DBT: variants seen among roughly 807,000 people sequenced by gnomAD.
DBT encodes the protein lipoamide acyltransferase component of branched-chain alpha-keto acid dehydrogenase complex, mitochondrial.
In DBT, 40 loss-of-function variants were observed where a neutral mutation model predicts 51.3. The ratio of observed to expected loss-of-function variants is 0.78; its 90% CI spans 0.61 to 1.02. DBT has a LOEUF of 1.02. Ranked by LOEUF, DBT falls within the 50% of genes least tolerant of loss-of-function variation. The pLI is 0.00. For missense variants in DBT, 510 were observed against 580.2 expected (o/e 0.88, Z 1.24); for synonymous variants, 181 against 190.4 (o/e 0.95, Z 0.41).
chr1:100,199,936 A>G (rs1267598132), intron 10 of DBT, among the ~76,000 whole-genome samples: 1 of 151,794 alleles, frequency 6.6e-6, no homozygotes, highest in African/African-American at 2.4e-5. Context: ...CCTACTCCAC[A>G]AGGGCCCTGA....
intron 4 of DBT, among the ~76,000 whole-genome samples, chr1:100,224,246 G>A (rs1022631270): frequency 1.3e-5 from 2 of 152,048 alleles, no homozygotes; most frequent in African/African-American, 4.8e-5. Context: ...CTTTGTGTTC[G>A]TCTTTTATAT....
chr1:100,228,843 A>G (rs1338336511), intron 4 of DBT, among the ~76,000 whole-genome samples: 3 of 152,170 alleles, frequency 2.0e-5, no homozygotes, highest in Admixed American at 6.5e-5. Context: ...CAGCATATAC[A>G]ATATATTATT....
At chr1:100,204,400 T>G (rs1661639581) in intron 10 of DBT, among the ~76,000 whole-genome samples, 1 of 152,126 alleles carries the variant, frequency 6.6e-6, no homozygotes, top group African/African-American at 2.4e-5. Flanking sequence ...TTACAAGGGA[T>G]GTGAGGGACC....
Position 100,213,570 on chromosome 1 carries a change from T to C in DBT, c.939+1247A>G. The C allele has an allele frequency of 1.9e-6, 3 of 1,588,250 alleles. No individual in the cohort carries two copies. In the South Asian group the frequency reaches 3.3e-5, roughly 18 times the overall value. ...GGGCTGCAGGACTGCTTCACCTTCC[T>C]GGGCATCTTCCTGGCCATCATCCTG... On this transcript the variant is annotated intron_variant, in intron 7 of 10. Transcript: ENST00000370132.
chr1:100,209,135 T>C lies in DBT; in HGVS notation c.1017+1559A>G, dbSNP rs1661981277. Reference sequence around the variant, plus strand: ...TTGACAAAGGCAGGGTTTCACTTTGTCACCTAGGCTGGAGTGCAGTGGCAT... The same window carrying C: ...TTGACAAAGGCAGGGTTTCACTTTGCCACCTAGGCTGGAGTGCAGTGGCAT... On this transcript the variant is annotated intron_variant, in intron 8 of 10. Transcript: ENST00000370132. 2.7e-5 allele frequency among the ~76,000 whole-genome samples: 4 copies of C among 150,866 alleles called. No homozygotes were observed. In the South Asian group the frequency reaches 8.3e-4, roughly 31 times the overall value.
chr1:100,248,089 G>A (rs1399210383), intron 1 of DBT, among the ~76,000 whole-genome samples: 3 of 145,648 alleles, frequency 2.1e-5, no homozygotes, highest in African/African-American at 5.1e-5. Flanking sequence ...GTGACAGAGA[G>A]AGACTCCATT....
At position 100,218,648 on chromosome 1, in the gene DBT, C is replaced by T. The variant is rs139251881; in HGVS notation, c.533G>A (p.Arg178His). 26 of 1,613,760 alleles carry T rather than the reference C, an allele frequency of 1.6e-5. No individual in the cohort carries two copies. Among genetic ancestry groups the T allele is most frequent in the African/African-American group, 4.0e-5 (3 of 74,866 alleles). Residue 178 changes from arginine to histidine, a missense_variant, in exon 5 of 11, where the codon CGC becomes CAC. By Grantham distance (29) the Arg-to-His change is conservative (BLOSUM62 0). Transcript: ENST00000370132. ...TACATTGTTTTCCATTGCCAGACGGCGAACTGCAGGAGTTGCCAGTGTTTT... is the reference window on the plus strand; with the variant it reads ...TACATTGTTTTCCATTGCCAGACGGTGAACTGCAGGAGTTGCCAGTGTTTT... ...GRKTLATPAV[R>H]RLAMENNIKL...
chr1:100,214,105 C>G (rs1001462583), intron 7 of DBT, among the ~76,000 whole-genome samples: 1 of 152,160 alleles, frequency 6.6e-6, no homozygotes. Flanking sequence ...GGTCCCAAGG[C>G]TTAGCACTAG....
chr1:100,242,780 T>A (rs1003764519), intron 1 of DBT, among the ~76,000 whole-genome samples: 4 of 152,158 alleles, frequency 2.6e-5, no homozygotes, highest in African/African-American at 9.7e-5. Context: ...TAAAGGAAAG[T>A]TTTGAAGTAT....
At chr1:100,220,149 A>T (rs1445895186) in intron 4 of DBT, among the ~76,000 whole-genome samples, 1 of 152,146 alleles carries the variant, frequency 6.6e-6, no homozygotes, top group African/African-American at 2.4e-5. Flanking sequence ...CCTCAAAAAG[A>T]AAAAAGGAAA....
At position 100,191,891 on chromosome 1, in the gene DBT, CT is replaced by C. The variant is rs1281853724; in HGVS notation, c.*4363del. On this transcript the variant is annotated 3_prime_UTR_variant, in exon 11 of 11. Transcript: ENST00000370132. ...CCTTTGCCCCCAGATGCAAGTGATCCTGCCACCTCAGCCTCCTGAGTAGGTG... is the reference window on the plus strand; with the variant it reads ...CCTTTGCCCCCAGATGCAAGTGATCCGCCACCTCAGCCTCCTGAGTAGGTG... 1.3e-5 allele frequency: 2 copies of C among 152,188 alleles called. No individual in the cohort carries two copies. Among genetic ancestry groups the C allele is most frequent in the African/African-American group, 4.8e-5 (2 of 41,406 alleles). The allele number at this position is 152,188 out of a possible 1,614,324, so 9.4% of individuals were successfully genotyped here. A position where few individuals can be genotyped will look rare whatever the true frequency, so the allele number is the denominator to read the frequency against.
At chr1:100,223,379 GT>G (rs1212873060) in intron 4 of DBT, among the ~76,000 whole-genome samples, 1 of 152,160 alleles carries the variant, frequency 6.6e-6, no homozygotes, top group Non-Finnish European at 1.5e-5. Context: ...TTTTAGTTTT[GT>G]TTTGGTTTTG....
At chr1:100,209,428 T>A (rs1035315611) in intron 8 of DBT, among the ~76,000 whole-genome samples, 3 of 152,028 alleles carry the variant, frequency 2.0e-5, no homozygotes, top group Non-Finnish European at 4.4e-5. Flanking sequence ...GAAATTTTTT[T>A]AATAAGTATA....
intron 4 of DBT, among the ~76,000 whole-genome samples, chr1:100,221,724 A>G (rs754257878): frequency 6.6e-6 from 1 of 152,252 alleles, no homozygotes; most frequent in Non-Finnish European, 1.5e-5. Context: ...AAACACTGGT[A>G]AGTAAACACT....
At chr1:100,241,167 T>A (rs1408784657) in intron 1 of DBT, among the ~76,000 whole-genome samples, 1 of 152,212 alleles carries the variant, frequency 6.6e-6, no homozygotes, top group Non-Finnish European at 1.5e-5. Context: ...TCTAAAGTAA[T>A]AGTTAGCATC....
At chr1:100,225,020 C>T (rs1210236013) in intron 4 of DBT, among the ~76,000 whole-genome samples, 1 of 45,812 alleles carries the variant, frequency 2.2e-5, no homozygotes, top group Non-Finnish European at 4.0e-5. Context: ...TCCGTCTCCC[C>T]CCAAAAAAAA....
In DBT at chr1:100,225,042, AAT is replaced by A. The variant is rs1553231588; in HGVS notation, c.433+5689_433+5690del. On this transcript the variant is annotated intron_variant, in intron 4 of 10. Coordinates refer to ENST00000370132, the MANE Select transcript of DBT (RefSeq NM_001918.5). ...CCCCCCAAAAAAAAAAAAAAAAAAA[AAT>A]ATATATATACACACACACACACACA... 8.8e-5 allele frequency among the ~76,000 whole-genome samples: 4 copies of A among 45,630 alleles called. 1 individual carries two copies. Among genetic ancestry groups the A allele is most frequent in the African/African-American group, 2.7e-4 (4 of 14,868 alleles). The allele number at this position is 45,630 out of a possible 152,430, so 29.9% of individuals were successfully genotyped here.
In DBT at chr1:100,249,668, G is replaced by A; in HGVS notation, c.51+102C>T. The A allele has an allele frequency of 3.6e-6, 4 of 1,110,558 alleles. No individual in the cohort carries two copies. The Admixed American group carries it at 6.7e-5, about 19-fold the overall frequency. 68.8% of individuals were successfully genotyped at this position (1,110,558 alleles called of 1,614,324 possible). The stretch of plus-strand genomic sequence containing the variant: ...ATCCCTTCACCTCTCCATCACGCGT[G>A]CCCTGGACGCCTGGCACCGGAGGAG... On this transcript the variant is annotated intron_variant, in intron 1 of 10. Transcript: ENST00000370132.
At position 100,246,953 on chromosome 1, in the gene DBT, A is replaced by G. The variant is rs188255367; in HGVS notation, c.51+2817T>C. 5.1e-3 allele frequency among the ~76,000 whole-genome samples: 781 copies of G among 152,346 alleles called. 13 individuals carry two copies. The highest frequency in any genetic ancestry group is 0.018 in the African/African-American group (753 of 41,578). On this transcript the variant is annotated intron_variant, in intron 1 of 10. Transcript: ENST00000370132. ...GATAAGGCCACAGTGGAGTAAGGCA[A>G]GAGTCTTTAAAGCAGAGGAAATACA...
Sources: allele counts gnomAD v4.1 joint callset (sites outside exome capture counted in the v4.1 genomes callset), GRCh38; gene constraint gnomAD v4.1.1; transcripts MANE v1.5; gene names NCBI Gene and HGNC (gene_info 2026-07-23, HGNC 2026-07-21).